Variants in PHACTR1 observed in about 807,000 individuals in gnomAD.
PHACTR1 encodes the protein RPEL repeat containing 1.
PHACTR1 carries 16 observed loss-of-function variants against 69.2 expected under a neutral mutation model. The ratio of observed to expected loss-of-function variants is 0.23; its 90% CI spans 0.16 to 0.35. The LOEUF is 0.35. Ranked by LOEUF, PHACTR1 falls within the 10% of genes least tolerant of loss-of-function variation. The pLI is 1.00. For missense variants in PHACTR1, 510 were observed against 734.7 expected (o/e 0.69, Z 3.54); for synonymous variants, 312 against 284.5 (o/e 1.10, Z -0.97).
At chr6:12,738,303 T>A (rs1022412634) in intron 3 of PHACTR1, among the ~76,000 whole-genome samples, 3 of 152,204 alleles carry the variant, frequency 2.0e-5, no homozygotes, top group Non-Finnish European at 2.9e-5. Context: ...TCTGGAGGCA[T>A]CCAATGTCCA....
At position 13,056,574 on chromosome 6, in the gene PHACTR1, T is replaced by C. The variant is rs189469537; in HGVS notation, c.415+3045T>C. Among the ~76,000 whole-genome samples, 257 of 152,330 alleles carry C rather than the reference T, an allele frequency of 1.7e-3. 4 individuals carry two copies. The highest frequency in any genetic ancestry group is 1.7e-3 in the Non-Finnish European group (119 of 68,026). ...GGAAAAGTTATTCATTGACACTTGT[T>C]GAAGATAAGGCAGTCTTTATTCAAC... is the stretch of plus-strand genomic sequence containing the variant. On this transcript the variant is annotated intron_variant, in intron 5 of 14. Coordinates refer to ENST00000332995, the MANE Select transcript of PHACTR1 (RefSeq NM_030948.6).
At chr6:12,815,755 C>G (rs1219564431) in intron 4 of PHACTR1, among the ~76,000 whole-genome samples, 1 of 152,180 alleles carries the variant, frequency 6.6e-6, no homozygotes, top group Non-Finnish European at 1.5e-5. Context: ...ACCCTTTGTC[C>G]TTTTCCCCAG....
At chr6:13,270,776 T>G (rs188696089) in intron 10 of PHACTR1, among the ~76,000 whole-genome samples, 6 of 152,256 alleles carry the variant, frequency 3.9e-5, no homozygotes, top group Admixed American at 3.3e-4. Context: ...CATTCTTGCA[T>G]TACTATAAAG....
At chr6:12,748,870 A>G (rs955110988) in intron 3 of PHACTR1, among the ~76,000 whole-genome samples, 3 of 152,126 alleles carry the variant, frequency 2.0e-5, no homozygotes, top group African/African-American at 7.2e-5. Flanking sequence ...CAAAATACCA[A>G]CTCTAGAAAC....
intron 5 of PHACTR1, among the ~76,000 whole-genome samples, chr6:13,106,942 G>A (rs1023207242): frequency 6.6e-6 from 1 of 152,022 alleles, no homozygotes; most frequent in Non-Finnish European, 1.5e-5. Flanking sequence ...ATATATTACT[G>A]GATTAAATTT....
chr6:13,185,959 A>G (rs969516727), intron 7 of PHACTR1, among the ~76,000 whole-genome samples: 1 of 152,184 alleles, frequency 6.6e-6, no homozygotes, highest in Non-Finnish European at 1.5e-5. Flanking sequence ...AATCGATGCT[A>G]TATTTCTCAA....
At position 13,204,452 on chromosome 6, in the gene PHACTR1, A is replaced by C. The variant is rs374977760; in HGVS notation, c.665-1363A>C. Among the ~76,000 whole-genome samples the C allele has an allele frequency of 4.1e-4, 63 of 152,216 alleles. No homozygotes were observed. The South Asian group carries it at 4.4e-3, about 11-fold the overall frequency. ...TGCTGTTCCAGACCATGCTTCTCCC[A>C]GGCAAGCCTACAACCCACAGGGTTC... On this transcript the variant is annotated intron_variant, in intron 7 of 14. Transcript: ENST00000332995.
At chr6:12,967,042 T>C (rs1417609225) in intron 4 of PHACTR1, among the ~76,000 whole-genome samples, 1 of 152,240 alleles carries the variant, frequency 6.6e-6, no homozygotes, top group Non-Finnish European at 1.5e-5. Context: ...TTTGTATTGC[T>C]GAGAATTATT....
Position 13,212,283 on chromosome 6 carries a change from T to C in PHACTR1, c.986+6147T>C, listed in dbSNP as rs117628717. Among the ~76,000 whole-genome samples the C allele has an allele frequency of 6.8e-3, 1,034 of 152,336 alleles. 15 individuals are homozygous for C. The highest frequency in any genetic ancestry group is 0.033 in the East Asian group (173 of 5,186). ...ACACTGCTCAGCTCTTAACAATGTC[T>C]GTGCCCAAAATGCTTCTGTCGCTGT... On this transcript the variant is annotated intron_variant, in intron 8 of 14. Transcript: ENST00000332995.
At chr6:12,978,364 A>G (rs1237343176) in intron 4 of PHACTR1, among the ~76,000 whole-genome samples, 3 of 151,956 alleles carry the variant, frequency 2.0e-5, no homozygotes, top group Non-Finnish European at 4.4e-5. Flanking sequence ...CCCTTCCAAT[A>G]CTTGTTCTTG....
At chr6:12,840,632 A>G (rs1778594576) in intron 4 of PHACTR1, among the ~76,000 whole-genome samples, 1 of 152,180 alleles carries the variant, frequency 6.6e-6, no homozygotes, top group Non-Finnish European at 1.5e-5. Context: ...ATGATGCAGC[A>G]CTCAGTAAAA....
At chr6:12,834,625 G>A (rs1777954314) in intron 4 of PHACTR1, among the ~76,000 whole-genome samples, 1 of 152,046 alleles carries the variant, frequency 6.6e-6, no homozygotes, top group African/African-American at 2.4e-5. Flanking sequence ...AGCAGTGGGT[G>A]GAAACAAAAA....
chr6:13,153,978 A>G (rs1005091635), intron 5 of PHACTR1, among the ~76,000 whole-genome samples: 10 of 152,048 alleles, frequency 6.6e-5, no homozygotes, highest in African/African-American at 2.4e-4. Flanking sequence ...TTTCTTTAAC[A>G]ACTTTATTGA....
intron 3 of PHACTR1, among the ~76,000 whole-genome samples, chr6:12,740,532 A>AT (rs1764896120): frequency 6.6e-6 from 1 of 152,222 alleles, no homozygotes; most frequent in Admixed American, 6.5e-5. Context: ...TTTGAAAATC[A>AT]TTTTTTGTAT....
intron 5 of PHACTR1, among the ~76,000 whole-genome samples, chr6:13,147,196 GA>G (rs1358373496): frequency 1.1e-4 from 17 of 152,160 alleles, no homozygotes; most frequent in African/African-American, 3.9e-4. Flanking sequence ...AATAAATGGA[GA>G]CGGAATTATT....
chr6:13,043,487 T>C (rs1209383980), intron 4 of PHACTR1, among the ~76,000 whole-genome samples: 1 of 152,046 alleles, frequency 6.6e-6, no homozygotes, highest in Non-Finnish European at 1.5e-5. Context: ...CACAGCTCTA[T>C]AGGACAAGGG....
chr6:13,053,622 C>T (rs1806326402), intron 5 of PHACTR1, 93 bp downstream of exon 5: 4 of 1,401,224 alleles, frequency 2.9e-6, no homozygotes, highest in Non-Finnish European at 3.8e-6. Context: ...GCTGTTTGAA[C>T]CAAAGGAGAA....
chr6:13,064,590 ATATATATATATATATC>A lies in PHACTR1; in HGVS notation c.415+11069_415+11084del, dbSNP rs1561776267. On this transcript the variant is annotated intron_variant, in intron 5 of 14. Transcript: ENST00000332995. ...TATATATATATATATATATATATAT[ATATATATATATATATC>A]TATATATCTATCTATCCACACTTGC... Among the ~76,000 whole-genome samples, 45 of 7,970 alleles carry A rather than the reference ATATATATATATATATC, an allele frequency of 5.6e-3. 2 individuals carry two copies. The highest frequency in any genetic ancestry group is 0.018 in the South Asian group (4 of 222). 5.2% of individuals were successfully genotyped at this position (7,970 alleles called of 152,430 possible). A position where few individuals can be genotyped will look rare whatever the true frequency, so the allele number is the denominator to read the frequency against.
chr6:12,898,286 G>A (rs998501498), intron 4 of PHACTR1, among the ~76,000 whole-genome samples: 4 of 151,998 alleles, frequency 2.6e-5, no homozygotes, highest in East Asian at 1.9e-4. Flanking sequence ...CAAGGGATCC[G>A]TCCACTCCTT....
Sources: allele counts gnomAD v4.1 joint callset (sites outside exome capture counted in the v4.1 genomes callset), GRCh38; gene constraint gnomAD v4.1.1; transcripts MANE v1.5; gene names NCBI Gene and HGNC (gene_info 2026-07-23, HGNC 2026-07-21).